The following MAPK10 variants were observed in gnomAD, a reference collection of about 807,000 sequenced individuals.
MAPK10 encodes JNK3 alpha protein kinase.
A neutral mutation model predicts 59.3 loss-of-function variants in MAPK10; 25 were observed. The observed-to-expected ratio is 0.42, with a 90% CI of 0.31 to 0.59. The LOEUF is 0.59. Ranked by LOEUF, MAPK10 falls within the 20% of genes least tolerant of loss-of-function variation. The pLI is 0.15. For missense variants in MAPK10, 351 were observed against 568.9 expected, an observed-to-expected ratio of 0.62 and a Z score of 3.90; for synonymous variants, 190 against 200.5, an observed-to-expected ratio of 0.95 and a Z score of 0.44.
At chr4:86,077,796 G>A (rs539505817) in intron 9 of MAPK10, among the ~76,000 whole-genome samples, 6 of 152,260 alleles carry the variant, frequency 3.9e-5, no homozygotes, top group South Asian at 2.1e-4. Flanking sequence ...TAGCAATGTC[G>A]TTATAGAATA....
chr4:86,296,300 G>A, intron 2 of MAPK10, among the ~76,000 whole-genome samples: 1 of 152,032 alleles, frequency 6.6e-6, no homozygotes, highest in Non-Finnish European at 1.5e-5. Context: ...ATTCAGCAGT[G>A]ACTAACAAAA....
intron 2 of MAPK10, among the ~76,000 whole-genome samples, chr4:86,308,384 G>T (rs1057435363): frequency 1.3e-5 from 2 of 152,020 alleles, no homozygotes; most frequent in Non-Finnish European, 2.9e-5. Flanking sequence ...CTATATTTCT[G>T]CTATAGCTTA....
chr4:86,389,535 G>GT (rs1040613123), intron 1 of MAPK10, among the ~76,000 whole-genome samples: 9 of 152,166 alleles, frequency 5.9e-5, no homozygotes, highest in East Asian at 3.9e-4. Context: ...TTTATCTTCT[G>GT]TTTTTTTGCC....
chr4:86,177,737 G>A (rs1196706685), intron 3 of MAPK10, among the ~76,000 whole-genome samples: 1 of 151,872 alleles, frequency 6.6e-6, no homozygotes, highest in Non-Finnish European at 1.5e-5. Context: ...AAAGGTTACT[G>A]CACCCCATAA....
At chr4:86,392,872 C>T (rs1233524777) in intron 1 of MAPK10, among the ~76,000 whole-genome samples, 1 of 152,178 alleles carries the variant, frequency 6.6e-6, no homozygotes, top group Non-Finnish European at 1.5e-5. Flanking sequence ...GAGTGCAAGA[C>T]TTTGGGGAGA....
intron 3 of MAPK10, among the ~76,000 whole-genome samples, chr4:86,166,948 G>C (rs1325437109): frequency 1.3e-5 from 2 of 151,882 alleles, no homozygotes; most frequent in South Asian, 2.1e-4. Flanking sequence ...GATGGTTTTT[G>C]AAAAACTAAA....
At chr4:86,398,655 C>G (rs1743289665) in intron 1 of MAPK10, among the ~76,000 whole-genome samples, 1 of 152,100 alleles carries the variant, frequency 6.6e-6, no homozygotes, top group African/African-American at 2.4e-5. Flanking sequence ...AGGTTTGTTA[C>G]AGGGGTACAT....
intron 2 of MAPK10, among the ~76,000 whole-genome samples, chr4:86,312,134 A>G (rs1377477401): frequency 1.3e-5 from 2 of 152,112 alleles, no homozygotes; most frequent in African/African-American, 4.8e-5. Context: ...TGTCCAATCC[A>G]ATTGAGGCAT....
At chr4:86,373,801 T>G (rs1163702238) in intron 1 of MAPK10, among the ~76,000 whole-genome samples, 4 of 152,186 alleles carry the variant, frequency 2.6e-5, no homozygotes, top group African/African-American at 7.2e-5. Context: ...TTTTCCACTG[T>G]TGATGGGAGT....
intron 11 of MAPK10, among the ~76,000 whole-genome samples, chr4:86,058,793 C>T (rs1022949418): frequency 2.3e-5 from 3 of 132,226 alleles, no homozygotes; most frequent in Admixed American, 7.1e-5. Flanking sequence ...GTCTTGACTG[C>T]TTGGCCTACA....
At chr4:86,342,994 T>TA (rs1287051355) in intron 2 of MAPK10, among the ~76,000 whole-genome samples, 1 of 152,112 alleles carries the variant, frequency 6.6e-6, no homozygotes, top group Non-Finnish European at 1.5e-5. Flanking sequence ...ATTCAGGGCC[T>TA]CCCTCAGTCT....
intron 2 of MAPK10, among the ~76,000 whole-genome samples, chr4:86,198,534 A>G (rs2081919867): frequency 6.6e-6 from 1 of 152,074 alleles, no homozygotes; most frequent in South Asian, 2.1e-4. Flanking sequence ...AAGTAAGGTA[A>G]CATCTCAGAC....
chr4:86,486,853 C>A (rs990920167), intron 1 of MAPK10, among the ~76,000 whole-genome samples: 11 of 152,120 alleles, frequency 7.2e-5, no homozygotes, highest in Admixed American at 5.9e-4. Context: ...ATTAACATCA[C>A]CAGTGAGGGG....
chr4:86,581,902 TATATATA>T (rs1762314734), intron 1 of MAPK10, among the ~76,000 whole-genome samples: 18 of 1,842 alleles, frequency 9.8e-3, no homozygotes, highest in African/African-American at 0.027. Context: ...ATATATATTA[TATATATA>T]TATATATATA....
chr4:86,554,401 T>C (rs529501503), intron 1 of MAPK10, among the ~76,000 whole-genome samples: 1 of 152,260 alleles, frequency 6.6e-6, no homozygotes, highest in East Asian at 1.9e-4. Context: ...TTGAACCTAA[T>C]ACATTTTTTA....
chr4:86,372,564 GAAAGAAAAGAAAAGA>G (rs1554253765), intron 1 of MAPK10, among the ~76,000 whole-genome samples: 1 of 78,690 alleles, frequency 1.3e-5, no homozygotes, highest in African/African-American at 4.4e-5. Context: ...AAGAAAGAAA[GAAAGAAAAGAAAAGA>G]AAAGAAAAGA....
intron 1 of MAPK10, among the ~76,000 whole-genome samples, chr4:86,590,092 C>A (rs1348662118): frequency 6.6e-6 from 1 of 151,892 alleles, no homozygotes; most frequent in Non-Finnish European, 1.5e-5. Context: ...GAATACTACA[C>A]AGCCTTTCAA....
chr4:86,503,409 G>A (rs530829134), intron 1 of MAPK10, among the ~76,000 whole-genome samples: 1 of 151,920 alleles, frequency 6.6e-6, no homozygotes, highest in Non-Finnish European at 1.5e-5. Context: ...TCATCTAATC[G>A]AATTCTTCCC....
intron 2 of MAPK10, among the ~76,000 whole-genome samples, chr4:86,297,524 G>A (rs546501451): frequency 5.3e-5 from 8 of 152,238 alleles, no homozygotes; most frequent in African/African-American, 1.7e-4. Context: ...TGTTGGCCAG[G>A]CTGGTCTCGA....
Sources: gnomAD v4.1 joint callset for allele counts (sites outside exome capture counted in the v4.1 genomes callset) on GRCh38, gnomAD v4.1.1 for gene constraint, MANE v1.5 for transcripts, NCBI Gene and HGNC (gene_info 2026-07-23, HGNC 2026-07-21) for gene names.